The following WDR45B variants were observed in gnomAD, a reference collection of about 807,000 sequenced individuals.
The protein encoded by WDR45B is WD repeat domain phosphoinositide-interacting protein 3.
Under a neutral mutation model 44.6 loss-of-function variants are expected in WDR45B, and 20 were observed. The observed-to-expected ratio is 0.45, with a 90% CI of 0.32 to 0.65. The LOEUF is 0.65. WDR45B is among the 30% of genes least tolerant of loss of function. The pLI is 0.05. For missense variants in WDR45B, 323 were observed against 430.2 expected (o/e 0.75, Z 2.20); for synonymous variants, 169 against 164.9 (o/e 1.02, Z -0.19).
At chr17:82,647,172 T>C (rs1336080199) in intron 1 of WDR45B, among the ~76,000 whole-genome samples, 1 of 152,022 alleles carries the variant, frequency 6.6e-6, no homozygotes, top group South Asian at 2.1e-4. Flanking sequence ...GAGGTTGCAG[T>C]GAGTCGAGAT....
At chr17:82,633,069 A>T (rs1598272253) in intron 2 of WDR45B, among the ~76,000 whole-genome samples, 1 of 151,272 alleles carries the variant, frequency 6.6e-6, no homozygotes, top group Non-Finnish European at 1.5e-5. Flanking sequence ...AGTCTGTGGC[A>T]GGAGAATCGC....
At chr17:82,648,187 G>C in intron 1 of WDR45B, 87 bp downstream of exon 1, 2 of 1,457,632 alleles carry the variant, frequency 1.4e-6, no homozygotes, top group Non-Finnish European at 1.8e-6. Flanking sequence ...TGGCCGGAAA[G>C]GGGCGCCCAG....
Position 82,621,030 on chromosome 17 carries a change from T to C in WDR45B, c.618+579A>G, listed in dbSNP as rs528489785. Among the ~76,000 whole-genome samples the C allele has an allele frequency of 7.5e-4, 113 of 151,262 alleles. 1 individual carries two copies. The highest frequency in any genetic ancestry group is 1.4e-3 in the Non-Finnish European group (95 of 67,932). Reference sequence around the variant, plus strand: ...GTCATATCTGATCACTGTAATCAACTTGGATGTGGACGTATTTTTGTTTCT... The same window carrying C: ...GTCATATCTGATCACTGTAATCAACCTGGATGTGGACGTATTTTTGTTTCT... On this transcript the variant is annotated intron_variant, in intron 6 of 9. Coordinates refer to ENST00000392325, the MANE Select transcript of WDR45B (RefSeq NM_019613.4).
In WDR45B at chr17:82,631,502, C is replaced by T. The variant is rs1034539408; in HGVS notation, c.143-480G>A. On this transcript the variant is annotated intron_variant, in intron 2 of 9. Coordinates refer to ENST00000392325, the MANE Select transcript of WDR45B (RefSeq NM_019613.4). ...GTTTCACTATGCTGGCCAGGCTGAT[C>T]TCAAACTCCTGAACTCAGGCGATCA... 2.1e-5 allele frequency among the ~76,000 whole-genome samples: 3 copies of T among 146,124 alleles called. No individual in the cohort carries two copies. The South Asian group carries it at 6.6e-4, about 32-fold the overall frequency.
chr17:82,622,897 A>T (rs1463113774), intron 5 of WDR45B, among the ~76,000 whole-genome samples: 1 of 152,204 alleles, frequency 6.6e-6, no homozygotes, highest in Non-Finnish European at 1.5e-5. Context: ...ATCAAAACAA[A>T]GGTACCAAGC....
chr17:82,631,311 TCTTG>T (rs2045764349), intron 2 of WDR45B, among the ~76,000 whole-genome samples: 2 of 123,680 alleles, frequency 1.6e-5, no homozygotes, highest in Admixed American at 9.9e-5. Context: ...TGAGAAGGAG[TCTTG>T]CTCTGTCACC....
At chr17:82,640,746 T>A (rs977550645) in intron 2 of WDR45B, among the ~76,000 whole-genome samples, 1 of 152,152 alleles carries the variant, frequency 6.6e-6, no homozygotes. Flanking sequence ...GGCCCTACTG[T>A]ATCCATTTCA....
At chr17:82,626,394 G>T (rs1046745787) in intron 4 of WDR45B, among the ~76,000 whole-genome samples, 2 of 151,196 alleles carry the variant, frequency 1.3e-5, no homozygotes, top group Admixed American at 1.3e-4. Context: ...AATCAGCCAG[G>T]CTTGGTGGTG....
intron 6 of WDR45B, among the ~76,000 whole-genome samples, chr17:82,620,416 G>C (rs2045598740): frequency 6.6e-6 from 1 of 151,834 alleles, no homozygotes; most frequent in Non-Finnish European, 1.5e-5. Context: ...CTGGGTGACA[G>C]AGCAAAACTC....
chr17:82,617,546 C>T (rs1472050614), intron 7 of WDR45B, 149 bp from the exon 8 acceptor site: 14 of 753,722 alleles, frequency 1.9e-5, no homozygotes, highest in Admixed American at 6.1e-5. Flanking sequence ...TTTAACAAGC[C>T]GACAACCATC....
chr17:82,637,729 C>A (rs1344744058), intron 2 of WDR45B, among the ~76,000 whole-genome samples: 1 of 151,972 alleles, frequency 6.6e-6, no homozygotes, highest in Non-Finnish European at 1.5e-5. Context: ...TGAAGAGATG[C>A]ATAGGGCAAG....
At position 82,615,642 on chromosome 17, in the gene WDR45B, T is replaced by C. The variant is rs1485299502; in HGVS notation, c.*277A>G. The C allele has an allele frequency of 2.0e-6, 1 of 494,528 alleles. No homozygotes were observed. The highest frequency in any genetic ancestry group is 3.7e-6 in the Non-Finnish European group (1 of 269,830). 30.6% of individuals were successfully genotyped at this position (494,528 alleles called of 1,614,324 possible). A position where few individuals can be genotyped will look rare whatever the true frequency, so the allele number is the denominator to read the frequency against. ...CAGTGTGAGGATGCGGCGGAGCCAC[T>C]GAAGCTAACGTCACAGCTGAACTCA... On this transcript the variant is annotated 3_prime_UTR_variant, in exon 10 of 10. Transcript: ENST00000392325.
intron 5 of WDR45B, among the ~76,000 whole-genome samples, chr17:82,624,700 C>G (rs1484103729): frequency 1.3e-5 from 2 of 150,350 alleles, no homozygotes; most frequent in African/African-American, 4.9e-5. Flanking sequence ...CTCACTGCGA[C>G]CTCTACCTCC....
At chr17:82,626,528 TCTCC>T (rs1186578221) in intron 4 of WDR45B, among the ~76,000 whole-genome samples, 2 of 57,628 alleles carry the variant, frequency 3.5e-5, no homozygotes, top group Non-Finnish European at 5.2e-5. Flanking sequence ...CAAGACTCTA[TCTCC>T]CAAAAAAAAA....
At chr17:82,642,874 G>C (rs1393952834) in intron 2 of WDR45B, among the ~76,000 whole-genome samples, 1 of 152,178 alleles carries the variant, frequency 6.6e-6, no homozygotes, top group Non-Finnish European at 1.5e-5. Flanking sequence ...TCTCCTGTAA[G>C]CTTCTGGGTC....
intron 5 of WDR45B, 52 bp downstream of exon 5, chr17:82,625,337 C>A (rs376858180): frequency 1.2e-4 from 190 of 1,537,866 alleles, no homozygotes; most frequent in Non-Finnish European, 1.6e-4. Flanking sequence ...CCAGCACAGG[C>A]ATCTCCATGT....
At chr17:82,638,624 GA>G (rs1372814642) in intron 2 of WDR45B, among the ~76,000 whole-genome samples, 2 of 151,936 alleles carry the variant, frequency 1.3e-5, no homozygotes, top group Non-Finnish European at 2.9e-5. Context: ...ACAAATGAGT[GA>G]AAATCAACCA....
intron 2 of WDR45B, among the ~76,000 whole-genome samples, chr17:82,639,580 C>G (rs935566760): frequency 6.6e-6 from 1 of 151,042 alleles, no homozygotes; most frequent in African/African-American, 2.4e-5. Flanking sequence ...CTAGCACCTT[C>G]ACCTGGCACG....
At chr17:82,634,685 C>T (rs77555512) in intron 2 of WDR45B, among the ~76,000 whole-genome samples, 3,561 of 151,936 alleles carry the variant, frequency 0.023, 189 homozygotes, top group African/African-American at 0.081. Context: ...AGCACGTGCT[C>T]CATACGTGCA....
Sources: allele counts gnomAD v4.1 joint callset (sites outside exome capture counted in the v4.1 genomes callset), GRCh38; gene constraint gnomAD v4.1.1; transcripts MANE v1.5; gene names NCBI Gene and HGNC (gene_info 2026-07-23, HGNC 2026-07-21).